Variants in NOTCH1 observed in about 807,000 individuals in gnomAD.
NOTCH1 encodes notch receptor 1.
In NOTCH1, 37 loss-of-function variants were observed where a neutral mutation model predicts 254.8. The observed-to-expected ratio is 0.15, with a 90% CI of 0.11 to 0.19. The LOEUF is 0.19. NOTCH1 is among the 10% of genes least tolerant of loss of function. The pLI is 1.00. For synonymous variants in NOTCH1, 1,731 were observed against 1,618.1 expected (o/e 1.07, Z -1.68); for missense variants, 2,972 against 3,708.6 (o/e 0.80, Z 5.16).
intron 7 of NOTCH1, 60 bp from the exon 8 acceptor site, chr9:136,517,997 C>A (rs2133369345): frequency 1.3e-6 from 2 of 1,592,134 alleles, no homozygotes; most frequent in South Asian, 2.2e-5. Context: ...CAACACCTCA[C>A]TGCACACCAC....
chr9:136,532,014 C>T (rs1344291621), intron 2 of NOTCH1, among the ~76,000 whole-genome samples: 3 of 152,234 alleles, frequency 2.0e-5, no homozygotes, highest in Non-Finnish European at 4.4e-5. Context: ...CCCACTGTGC[C>T]CCTGGCACCC....
chr9:136,523,926 C>T lies in NOTCH1; in HGVS notation c.194G>A (p.Ser65Asn), dbSNP rs2133379686. The T allele has an allele frequency of 6.3e-7, 1 of 1,593,352 alleles. No homozygotes were observed. Among genetic ancestry groups the T allele is most frequent in the Non-Finnish European group, 8.5e-7 (1 of 1,170,546 alleles). ...PRCQDPNPCL[S>N]TPCKNAGTCH... ...TGTCCCGGCGTTCTTGCAGGGGGTG[C>T]TGAGGCACGGGTTGGGGTCCTGGCA... Residue 65 changes from serine to asparagine, a missense_variant, in exon 3 of 34, where the codon AGC becomes AAC. Coordinates refer to ENST00000651671, the MANE Select transcript of NOTCH1 (RefSeq NM_017617.5).
rs2133365100 is a variant in NOTCH1, at chr9:136,515,999, T to C, written c.1651A>G (p.Thr551Ala). 1 of 1,611,002 alleles carries C rather than the reference T, an allele frequency of 6.2e-7. No individual in the cohort carries two copies. Among genetic ancestry groups the C allele is most frequent in the Non-Finnish European group, 8.5e-7 (1 of 1,179,404 alleles). Residue 551 changes from threonine (T) to alanine (A), a missense_variant, in exon 10 of 34, where the codon ACC (threonine) becomes GCC (alanine). Physicochemically the swap from Thr to Ala is moderately conservative, Grantham distance 58. Around this residue, in one of 8 missense-constraint regions of NOTCH1, gnomAD observed 128 missense variants for 193.8 expected, o/e 0.66. Coordinates refer to ENST00000651671, the MANE Select transcript of NOTCH1 (RefSeq NM_017617.5). ...CCCGCACCTTCCGTGCACACACAGGTGTAAGTGTTGGGTCCGTCCAGGCAC... is the reference window on the plus strand; with the variant it reads ...CCCGCACCTTCCGTGCACACACAGGCGTAAGTGTTGGGTCCGTCCAGGCAC... ...AKCLDGPNTY[T>A]CVCTEGYTGT...
At position 136,544,738 on chromosome 9, in the gene NOTCH1, T is replaced by C. The variant is rs546543623; in HGVS notation, c.62-636A>G. On this transcript the variant is annotated intron_variant, in intron 1 of 33. Coordinates refer to ENST00000651671, the MANE Select transcript of NOTCH1 (RefSeq NM_017617.5). ...AGCACCCTGGGGACGCGGCCCCGCCTCCGCCGACACCCAATACCTGCCTCC... is the reference window on the plus strand; with the variant it reads ...AGCACCCTGGGGACGCGGCCCCGCCCCCGCCGACACCCAATACCTGCCTCC... 4.0e-3 allele frequency among the ~76,000 whole-genome samples: 613 copies of C among 152,176 alleles called. 4 individuals are homozygous for C. The highest frequency in any genetic ancestry group is 0.014 in the African/African-American group (570 of 41,522).
intron 2 of NOTCH1, among the ~76,000 whole-genome samples, chr9:136,542,503 T>C (rs1371432824): frequency 1.5e-5 from 2 of 137,862 alleles, no homozygotes; most frequent in African/African-American, 5.7e-5. Flanking sequence ...GCATCAAGCG[T>C]CCGTGCGGCT....
chr9:136,533,457 G>A (rs540293618), intron 2 of NOTCH1, among the ~76,000 whole-genome samples: 2 of 152,360 alleles, frequency 1.3e-5, no homozygotes, highest in Admixed American at 6.5e-5. Flanking sequence ...GCCCCACCAC[G>A]CGGCCCTGCT....
rs2133377938 is a variant in NOTCH1, at chr9:136,523,151, G to A, written c.441C>T (p.Asn147=). Residue 147 remains asparagine, a synonymous_variant, in exon 4 of 34, where the codon AAC becomes AAT. Coordinates refer to ENST00000651671, the MANE Select transcript of NOTCH1 (RefSeq NM_017617.5). ...SCQQADPCAS[N]PCANGGQCLP... ...GGCACTGGCCACCGTTGGCGCAGGG[G>A]TTGGAGGCGCACGGGTCAGCCTGCT... 1 of 1,606,056 alleles carries A rather than the reference G, an allele frequency of 6.2e-7. No individual in the cohort carries two copies. The highest frequency in any genetic ancestry group is 8.5e-7 in the Non-Finnish European group (1 of 1,177,238).
chr9:136,503,981 G>A (rs1357210796), intron 26 of NOTCH1, among the ~76,000 whole-genome samples: 1 of 152,150 alleles, frequency 6.6e-6, no homozygotes, highest in Non-Finnish European at 1.5e-5. Context: ...CACTCAAGCT[G>A]CTCCTGCCTG....
At chr9:136,519,339 G>T in intron 5 of NOTCH1, 104 bp downstream of exon 5, 1 of 1,523,656 alleles carries the variant, frequency 6.6e-7, no homozygotes, top group Non-Finnish European at 9.0e-7. Flanking sequence ...GCCTGGCCTG[G>T]GACAGGGTCT....
At position 136,545,653 on chromosome 9, in the gene NOTCH1, C is replaced by T; in HGVS notation, c.61+73G>A. 3 of 1,249,882 alleles carry T rather than the reference C, an allele frequency of 2.4e-6. No individual in the cohort carries two copies. The highest frequency in any genetic ancestry group is 2.1e-6 in the Non-Finnish European group (2 of 935,028). 77.4% of individuals were successfully genotyped at this position (1,249,882 alleles called of 1,614,324 possible). A position where few individuals can be genotyped will look rare whatever the true frequency, so the allele number is the denominator to read the frequency against. On this transcript the variant is annotated intron_variant, in intron 1 of 33. Coordinates refer to ENST00000651671, the MANE Select transcript of NOTCH1 (RefSeq NM_017617.5). This position sits in a 1 kb window ranked among gnomAD's most constrained non-coding sequence, Gnocchi z 6.8. ...CCGCCGCCCGCTCCCAGCCGTGGGG[C>T]GCGCGCGCCGGGCGCCGCCAAAGTT... is the stretch of plus-strand genomic sequence containing the variant.
At chr9:136,507,171 G>A (rs530240786) in intron 22 of NOTCH1, 134 bp downstream of exon 22, 39 of 1,524,092 alleles carry the variant, frequency 2.6e-5, no homozygotes, top group African/African-American at 2.2e-4. Flanking sequence ...GCTGTGAGTC[G>A]GCCTTGGCCT....
rs1051068651 is a variant in NOTCH1, at chr9:136,545,793, C to T, written c.-7G>A. ...GCGCCAGGAGCGGCGGCATGCCTCC[C>T]CACCGGCTGCCCTCTGCGCCCGGGC... On this transcript the variant is annotated 5_prime_UTR_variant, in exon 1 of 34. Coordinates refer to ENST00000651671, the MANE Select transcript of NOTCH1 (RefSeq NM_017617.5). This position sits in a 1 kb window ranked among gnomAD's most constrained non-coding sequence, Gnocchi z 6.8. 7.6e-7 allele frequency: 1 copy of T among 1,318,176 alleles called. No individual in the cohort carries two copies. The highest frequency in any genetic ancestry group is 9.7e-7 in the Non-Finnish European group (1 of 1,033,246). The allele number at this position is 1,318,176 out of a possible 1,614,324, so 81.7% of individuals were successfully genotyped here. A position where few individuals can be genotyped will look rare whatever the true frequency, so the allele number is the denominator to read the frequency against.
chr9:136,527,423 G>C (rs1843481133), intron 2 of NOTCH1, among the ~76,000 whole-genome samples: 1 of 152,154 alleles, frequency 6.6e-6, no homozygotes, highest in South Asian at 2.1e-4. Context: ...GTGGGCGCCA[G>C]GGCTTGGCCG....
At chr9:136,526,723 G>A (rs1843466172) in intron 2 of NOTCH1, among the ~76,000 whole-genome samples, 1 of 152,222 alleles carries the variant, frequency 6.6e-6, no homozygotes, top group Non-Finnish European at 1.5e-5. Context: ...GACTGTGGGA[G>A]AATCTGCCCA....
chr9:136,517,410 G>A (rs1564199130), intron 8 of NOTCH1, 25 bp from the exon 9 acceptor site: 1 of 1,487,582 alleles, frequency 6.7e-7, no homozygotes, highest in East Asian at 2.4e-5. Flanking sequence ...AACAGTGAGG[G>A]GGGCACGCGC....
At chr9:136,511,339 C>T in intron 15 of NOTCH1, 68 bp from the exon 16 acceptor site, 1 of 1,534,642 alleles carries the variant, frequency 6.5e-7, no homozygotes. Flanking sequence ...CGGCCACCGC[C>T]TGCTGGTCTT....
At position 136,544,136 on chromosome 9, in the gene NOTCH1, A is replaced by G. The variant is rs371527459; in HGVS notation, c.62-34T>C. ...GGGCAGGAGAAGAGAGGTCAGTCTC[A>G]CCCGCACCACCACCACCGAAGGCCC... On this transcript the variant is annotated intron_variant, in intron 1 of 33. Coordinates refer to ENST00000651671, the MANE Select transcript of NOTCH1 (RefSeq NM_017617.5). 29 of 1,537,154 alleles carry G rather than the reference A, an allele frequency of 1.9e-5. No individual in the cohort carries two copies. In the African/African-American group the frequency reaches 3.8e-4, roughly 20 times the overall value.
rs2133333450 is a variant in NOTCH1, at chr9:136,503,261, G to A, written c.5088C>T (p.Ala1696=). Residue 1696 remains alanine, a synonymous_variant, in exon 27 of 34, where the codon GCC becomes GCT. Transcript: ENST00000651671. ...VQASSQCFQS[A]TDVAAFLGAL... Reference sequence around the variant, plus strand: ...CTCCCAGGAATGCGGCCACGTCGGTGGCACTCTGGAAGCACTGCGAGGAGG... The same window carrying A: ...CTCCCAGGAATGCGGCCACGTCGGTAGCACTCTGGAAGCACTGCGAGGAGG... 1 of 1,613,022 alleles carries A rather than the reference G, an allele frequency of 6.2e-7. No homozygotes were observed. The highest frequency in any genetic ancestry group is 8.5e-7 in the Non-Finnish European group (1 of 1,179,988).
rs958493723 is a variant in NOTCH1 at position 136,513,215 on chromosome 9, T to G, written c.2354-81A>C. On this transcript the variant is annotated intron_variant, in intron 14 of 33. Coordinates refer to ENST00000651671, the MANE Select transcript of NOTCH1 (RefSeq NM_017617.5). This position sits in a 1 kb window ranked among gnomAD's most constrained non-coding sequence, Gnocchi z 4.7. Reference sequence around the variant, plus strand: ...GGCCCCACAACAGCAGCCCTGGGCCTGCTCCCCACCCCAGGCCCCTCCTCA... The same window carrying G: ...GGCCCCACAACAGCAGCCCTGGGCCGGCTCCCCACCCCAGGCCCCTCCTCA... 2.1e-6 allele frequency: 3 copies of G among 1,445,036 alleles called. No individual in the cohort carries two copies. Among genetic ancestry groups the G allele is most frequent in the African/African-American group, 2.8e-5 (2 of 71,020 alleles). The allele number at this position is 1,445,036 out of a possible 1,614,324, so 89.5% of individuals were successfully genotyped here.
Sources: allele counts gnomAD v4.1 joint callset (sites outside exome capture counted in the v4.1 genomes callset), GRCh38; gene constraint gnomAD v4.1.1; regional missense constraint gnomAD v4.1.1; non-coding constraint Gnocchi (gnomAD v3.1); transcripts MANE v1.5; gene names NCBI Gene and HGNC (gene_info 2026-07-23, HGNC 2026-07-21).